EXOC4: variants seen among roughly 807,000 people sequenced by gnomAD.
EXOC4 encodes exocyst complex component 4.
Under a neutral mutation model 107.2 loss-of-function variants are expected in EXOC4, and 71 were observed. The ratio of observed to expected loss-of-function variants is 0.66; its 90% CI spans 0.55 to 0.81. EXOC4 has a LOEUF of 0.81. Among genes scored for constraint, EXOC4 ranks in the 30% least tolerant of loss-of-function variants. The pLI is 0.00. For synonymous variants in EXOC4, 456 were observed against 441.2 expected (o/e 1.03, Z -0.42); for missense variants, 1,108 against 1,189.6 (o/e 0.93, Z 1.01).
intron 10 of EXOC4, among the ~76,000 whole-genome samples, chr7:133,773,419 A>G (rs1471547575): frequency 6.6e-6 from 1 of 151,808 alleles, no homozygotes; most frequent in African/African-American, 2.4e-5. Context: ...CCTTTAGTAC[A>G]AGAAGTGTGG....
chr7:133,527,672 A>T (rs1426260288), intron 9 of EXOC4, among the ~76,000 whole-genome samples: 1 of 152,166 alleles, frequency 6.6e-6, no homozygotes, highest in African/African-American at 2.4e-5. Flanking sequence ...TTATAACAGT[A>T]GGTTTCGGTT....
rs186530820 is a variant in EXOC4, at chr7:133,885,168, G to A, written c.1735-10431G>A. Among the ~76,000 whole-genome samples, 364 of 152,186 alleles carry A rather than the reference G, an allele frequency of 2.4e-3. 5 individuals are homozygous for A. Among genetic ancestry groups the A allele is most frequent in the African/African-American group, 8.2e-3 (341 of 41,534 alleles). On this transcript the variant is annotated intron_variant, in intron 11 of 17. Transcript: ENST00000253861. ...GTCTCTACTAAAAATACAAAAATTA[G>A]CCAGGTGTGGTGGCACGCGCCTGTA...
chr7:134,051,480 G>A (rs1005287140), intron 17 of EXOC4, among the ~76,000 whole-genome samples: 2 of 152,114 alleles, frequency 1.3e-5, no homozygotes, highest in African/African-American at 4.8e-5. Context: ...AGACCAGCCT[G>A]GCCAAGATGG....
intron 10 of EXOC4, among the ~76,000 whole-genome samples, chr7:133,639,489 A>G (rs930121347): frequency 2.0e-5 from 3 of 152,154 alleles, no homozygotes; most frequent in Non-Finnish European, 4.4e-5. Context: ...TTGTAGTTAA[A>G]CAAAAATAGG....
At chr7:133,689,371 G>A (rs1464153453) in intron 10 of EXOC4, among the ~76,000 whole-genome samples, 2 of 152,068 alleles carry the variant, frequency 1.3e-5, no homozygotes, top group African/African-American at 4.8e-5. Flanking sequence ...TATTCAAGGG[G>A]GGCTACTACA....
At chr7:133,796,185 G>T (rs2542265) in intron 10 of EXOC4, among the ~76,000 whole-genome samples, 1 of 152,218 alleles carries the variant, frequency 6.6e-6, no homozygotes, top group Non-Finnish European at 1.5e-5. Context: ...CTTTTAGTCA[G>T]TGTGGTACTT....
intron 3 of EXOC4, among the ~76,000 whole-genome samples, chr7:133,289,364 A>G (rs188139226): frequency 6.6e-6 from 1 of 152,374 alleles, no homozygotes; most frequent in Non-Finnish European, 1.5e-5. Context: ...CAGTACTTAA[A>G]TCAGGTTAGA....
At chr7:133,920,507 A>G (rs1483376442) in intron 13 of EXOC4, among the ~76,000 whole-genome samples, 1 of 152,120 alleles carries the variant, frequency 6.6e-6, no homozygotes, top group Non-Finnish European at 1.5e-5. Flanking sequence ...GTATACATTT[A>G]TAACTAATCC....
chr7:133,744,820 T>G (rs1475584386), intron 10 of EXOC4, among the ~76,000 whole-genome samples: 1 of 152,124 alleles, frequency 6.6e-6, no homozygotes, highest in African/African-American at 2.4e-5. Context: ...CTATACACCC[T>G]TTAGCTAAGG....
intron 9 of EXOC4, among the ~76,000 whole-genome samples, chr7:133,615,027 A>G (rs1272542082): frequency 1.3e-5 from 2 of 152,174 alleles, no homozygotes; most frequent in Non-Finnish European, 2.9e-5. Context: ...ATTATCCAAG[A>G]CTGCATTTGA....
intron 7 of EXOC4, among the ~76,000 whole-genome samples, chr7:133,453,918 G>A (rs574188136): frequency 6.6e-6 from 1 of 152,224 alleles, no homozygotes; most frequent in Non-Finnish European, 1.5e-5. Context: ...CTGGAATTAA[G>A]TCACCTCTAT....
intron 9 of EXOC4, among the ~76,000 whole-genome samples, chr7:133,529,179 G>A (rs994004670): frequency 6.6e-6 from 1 of 152,078 alleles, no homozygotes; most frequent in Non-Finnish European, 1.5e-5. Flanking sequence ...TATGCCAGCT[G>A]TTCCTTTTCT....
intron 7 of EXOC4, among the ~76,000 whole-genome samples, chr7:133,426,054 A>G (rs1279832274): frequency 1.3e-5 from 2 of 152,210 alleles, no homozygotes; most frequent in Non-Finnish European, 2.9e-5. Flanking sequence ...GCCATTGGCC[A>G]TGGTCACTAA....
intron 9 of EXOC4, among the ~76,000 whole-genome samples, chr7:133,526,933 C>T (rs1800090710): frequency 6.6e-6 from 1 of 152,018 alleles, no homozygotes. Context: ...GATTGCGCTA[C>T]TGCACTCCAG....
intron 10 of EXOC4, among the ~76,000 whole-genome samples, chr7:133,761,087 A>G (rs1283081694): frequency 6.6e-6 from 1 of 152,228 alleles, no homozygotes; most frequent in Non-Finnish European, 1.5e-5. Context: ...TTAAGAATTT[A>G]GTATTAACAA....
At chr7:133,558,192 T>TTTTCG (rs2150948112) in intron 9 of EXOC4, among the ~76,000 whole-genome samples, 1 of 71,184 alleles carries the variant, frequency 1.4e-5, no homozygotes, top group East Asian at 5.9e-4. Flanking sequence ...GTTCCTTCTC[T>TTTTCG]TTTCTTTTCT....
At chr7:133,655,844 G>A (rs934957573) in intron 10 of EXOC4, among the ~76,000 whole-genome samples, 1 of 152,204 alleles carries the variant, frequency 6.6e-6, no homozygotes, top group Non-Finnish European at 1.5e-5. Context: ...GATAAAAGCC[G>A]AGTATGGTAA....
intron 11 of EXOC4, among the ~76,000 whole-genome samples, chr7:133,829,901 T>C (rs910717220): frequency 2.0e-5 from 3 of 152,218 alleles, no homozygotes; most frequent in African/African-American, 7.2e-5. Flanking sequence ...ATTGTGCATA[T>C]TGGAAATACA....
chr7:133,928,922 CTTTTTTTTTT>C (rs71162044), intron 13 of EXOC4, among the ~76,000 whole-genome samples: 2 of 82,016 alleles, frequency 2.4e-5, no homozygotes, highest in South Asian at 6.4e-4. Flanking sequence ...ACAGTAGTAC[CTTTTTTTTTT>C]TTTTTTTTTT....
Sources: gnomAD v4.1 joint callset for allele counts (sites outside exome capture counted in the v4.1 genomes callset) on GRCh38, gnomAD v4.1.1 for gene constraint, MANE v1.5 for transcripts, NCBI Gene and HGNC (gene_info 2026-07-23, HGNC 2026-07-21) for gene names.